The following PDE10A variants were observed in gnomAD, a reference collection of about 807,000 sequenced individuals.
PDE10A encodes the protein phosphodiesterase 10A.
In PDE10A, 39 loss-of-function variants were observed where a neutral mutation model predicts 97.7. The observed-to-expected ratio is 0.40, with a 90% confidence interval of 0.31 to 0.52. The LOEUF is 0.52. Among genes scored for constraint, PDE10A ranks in the 20% least tolerant of loss-of-function variants. The pLI is 0.56. For missense variants in PDE10A, 731 were observed against 1,047.8 expected (o/e 0.70, Z 4.17); for synonymous variants, 371 against 376.8 (o/e 0.98, Z 0.18).
intron 2 of PDE10A, among the ~76,000 whole-genome samples, chr6:165,484,362 C>T (rs981632009): frequency 6.6e-6 from 1 of 152,206 alleles, no homozygotes; most frequent in Admixed American, 6.5e-5. Context: ...GGCAAGCGGG[C>T]GAAGCTTCAT....
intron 1 of PDE10A, among the ~76,000 whole-genome samples, chr6:165,675,197 T>C (rs535399922): frequency 6.6e-6 from 1 of 152,356 alleles, no homozygotes; most frequent in Admixed American, 6.5e-5. Flanking sequence ...GTAAATCTTA[T>C]CTACTTTTTC....
chr6:165,492,015 C>CA (rs58288885), intron 2 of PDE10A, among the ~76,000 whole-genome samples: 44,194 of 151,814 alleles, frequency 0.29, 6,801 homozygotes, highest in African/African-American at 0.39. Context: ...CAATAAGAAA[C>CA]AAACGGGAGC....
chr6:165,785,483 GAA>G (rs1289260282), intron 1 of PDE10A, among the ~76,000 whole-genome samples: 1 of 152,180 alleles, frequency 6.6e-6, no homozygotes, highest in Non-Finnish European at 1.5e-5. Context: ...AGACTTAACT[GAA>G]AAAGTCTCAG....
Position 165,953,735 on chromosome 6 carries a change from A to T in PDE10A, c.-615+33794T>A, listed in dbSNP as rs535279717. ...GTGGCATATCTGTTACAAGTGATGC[A>T]CCAATACTGACACATTGTTATTTAC... On this transcript the variant is annotated intron_variant, in intron 1 of 19. Transcript: ENST00000366882. Among the ~76,000 whole-genome samples the T allele has an allele frequency of 3.3e-5, 5 of 152,366 alleles. No homozygotes were observed. In the South Asian group the frequency reaches 1.0e-3, roughly 32 times the overall value.
At chr6:165,755,061 T>G (rs1206371908) in intron 1 of PDE10A, among the ~76,000 whole-genome samples, 1 of 152,184 alleles carries the variant, frequency 6.6e-6, no homozygotes, top group Non-Finnish European at 1.5e-5. Context: ...AAAATAGTTT[T>G]ATGGAGAGGG....
At chr6:165,797,826 T>C (rs1215120899) in intron 1 of PDE10A, among the ~76,000 whole-genome samples, 2 of 152,204 alleles carry the variant, frequency 1.3e-5, no homozygotes, top group Non-Finnish European at 2.9e-5. Context: ...ATGTCTCTTG[T>C]TTCTAAGCAG....
chr6:165,652,756 G>T (rs1408127261), intron 1 of PDE10A, among the ~76,000 whole-genome samples: 1 of 152,144 alleles, frequency 6.6e-6, no homozygotes, highest in African/African-American at 2.4e-5. Flanking sequence ...GGCCAAATAC[G>T]CTTGTATTTT....
chr6:165,666,990 A>T (rs532802165), upstream of PDE10A, among the ~76,000 whole-genome samples: 2 of 152,176 alleles, frequency 1.3e-5, no homozygotes, highest in Non-Finnish European at 2.9e-5. Context: ...TTCCATTACT[A>T]TTGATGTTAA....
At chr6:165,495,460 T>C (rs1319737204) in intron 2 of PDE10A, among the ~76,000 whole-genome samples, 2 of 152,170 alleles carry the variant, frequency 1.3e-5, no homozygotes, top group Non-Finnish European at 2.9e-5. Flanking sequence ...CCTTGAAACC[T>C]GCCTTACTTA....
intron 1 of PDE10A, among the ~76,000 whole-genome samples, chr6:165,976,877 C>T (rs987412539): frequency 6.6e-6 from 1 of 152,312 alleles, no homozygotes; most frequent in East Asian, 1.9e-4. Context: ...CCTGTCCCCA[C>T]CTTCCCCACA....
intron 18 of PDE10A, among the ~76,000 whole-genome samples, chr6:165,361,407 C>A (rs1306270274): frequency 6.6e-6 from 1 of 152,182 alleles, no homozygotes; most frequent in African/African-American, 2.4e-5. Flanking sequence ...AATCTTCAAA[C>A]ATTTATGGAA....
chr6:165,591,896 A>G (rs1179046097), intron 1 of PDE10A, among the ~76,000 whole-genome samples: 4 of 152,204 alleles, frequency 2.6e-5, no homozygotes, highest in African/African-American at 9.6e-5. Flanking sequence ...AGAAAACCAA[A>G]TACCCATTTT....
intron 1 of PDE10A, among the ~76,000 whole-genome samples, chr6:165,729,459 G>A (rs1275416238): frequency 1.3e-5 from 2 of 152,074 alleles, no homozygotes; most frequent in Non-Finnish European, 2.9e-5. Context: ...AGATACTAAG[G>A]ACAGCAGTGA....
intron 1 of PDE10A, among the ~76,000 whole-genome samples, chr6:165,884,696 T>C (rs1189998770): frequency 6.6e-6 from 1 of 152,176 alleles, no homozygotes; most frequent in Non-Finnish European, 1.5e-5. Context: ...ATGTAAAACA[T>C]CCTTGCAGAC....
At chr6:165,820,022 T>C (rs1779525582) in intron 1 of PDE10A, among the ~76,000 whole-genome samples, 1 of 152,236 alleles carries the variant, frequency 6.6e-6, no homozygotes, top group South Asian at 2.1e-4. Context: ...ATGAAATATA[T>C]TTGAATGCTA....
At chr6:165,797,851 C>T (rs532427275) in intron 1 of PDE10A, among the ~76,000 whole-genome samples, 41 of 152,254 alleles carry the variant, frequency 2.7e-4, no homozygotes, top group Non-Finnish European at 5.0e-4. Flanking sequence ...CAGAAATGTA[C>T]TAAAAGGACC....
At chr6:165,930,196 C>T (rs1783090226) in intron 1 of PDE10A, among the ~76,000 whole-genome samples, 1 of 152,224 alleles carries the variant, frequency 6.6e-6, no homozygotes, top group South Asian at 2.1e-4. Context: ...GATCCCTGAG[C>T]CACTGATGAA....
chr6:165,594,442 T>G (rs1219218148), intron 1 of PDE10A, among the ~76,000 whole-genome samples: 1 of 152,120 alleles, frequency 6.6e-6, no homozygotes. Context: ...GAAATGGTAA[T>G]ATATTATAAT....
intron 1 of PDE10A, among the ~76,000 whole-genome samples, chr6:165,569,243 T>C (rs964856023): frequency 1.3e-5 from 2 of 152,214 alleles, no homozygotes; most frequent in Non-Finnish European, 2.9e-5. Context: ...AGCATTGTTG[T>C]AGGGGCCTTT....
Sources: allele counts gnomAD v4.1 joint callset (sites outside exome capture counted in the v4.1 genomes callset), GRCh38; gene constraint gnomAD v4.1.1; transcripts MANE v1.5; gene names NCBI Gene and HGNC (gene_info 2026-07-23, HGNC 2026-07-21).